Variants in GCNA observed in about 807,000 individuals in gnomAD.
GCNA encodes germ cell nuclear acidic protein.
In GCNA, 3 loss-of-function variants were observed where a neutral mutation model predicts 38.8. The ratio of observed to expected loss-of-function variants is 0.08; its 90% CI spans 0.04 to 0.20. The LOEUF is 0.20. GCNA is among the 10% of genes least tolerant of loss of function. The pLI is 1.00. For synonymous variants in GCNA, 195 were observed against 240.2 expected (o/e 0.81, Z 1.74); for missense variants, 446 against 578.6 (o/e 0.77, Z 2.35).
chrX:71,582,521 T>G (rs1339878936), intron 2 of GCNA, among the ~76,000 whole-genome samples: 1 of 111,226 alleles, frequency 9.0e-6, no homozygotes, highest in Non-Finnish European at 1.9e-5. Flanking sequence ...ACATTCTTTG[T>G]GGGAGTATAT....
chrX:71,578,716 G>A (rs1205304265), intron 1 of GCNA, among the ~76,000 whole-genome samples, 194 bp downstream of exon 1: 2 of 111,722 alleles, frequency 1.8e-5, no homozygotes. Context: ...GGGGGAGGTG[G>A]GGGCGCCCAT....
intron 7 of GCNA, among the ~76,000 whole-genome samples, chrX:71,601,979 G>A (rs945844292): frequency 8.9e-6 from 1 of 111,964 alleles, no homozygotes; most frequent in African/African-American, 3.3e-5. Flanking sequence ...ACGCAGCGGT[G>A]GGTTTGCTGA....
At chrX:71,611,181 C>G (rs373902795) in intron 11 of GCNA, among the ~76,000 whole-genome samples, 1 of 112,219 alleles carries the variant, frequency 8.9e-6, no homozygotes, top group Admixed American at 9.5e-5. Flanking sequence ...AGGACAGGCC[C>G]TCATCCCTGC....
chrX:71,604,022 A>T lies in GCNA; in HGVS notation c.745A>T (p.Ser249Cys), dbSNP rs2040743542. The stretch of plus-strand genomic sequence containing the variant: ...TGATTCGGAAGCTCCCGACGACAGC[A>T]GTGATGATTCGGAAGCTCCCGACGA... ...SDDSEAPDDS[S>C]DDSEAPDDSS... Residue 249 changes from serine (S) to cysteine (C), a missense_variant, in exon 8 of 13, where the codon AGT becomes TGT. Physicochemically the swap from Ser to Cys is moderately radical, Grantham distance 112. Coordinates refer to ENST00000373696, the MANE Select transcript of GCNA (RefSeq NM_052957.5). 8.3e-7 allele frequency: 1 copy of T among 1,204,539 alleles called. No homozygotes were observed. Among genetic ancestry groups the T allele is most frequent in the Admixed American group, 2.2e-5 (1 of 45,294 alleles).
intron 6 of GCNA, among the ~76,000 whole-genome samples, chrX:71,595,450 C>T (rs1222221128): frequency 8.9e-6 from 1 of 111,855 alleles, no homozygotes; most frequent in Admixed American, 9.5e-5. Flanking sequence ...CTGATCCAGT[C>T]GGTGTACCAC....
At chrX:71,599,475 A>G (rs892592999) in intron 7 of GCNA, among the ~76,000 whole-genome samples, 1 of 111,614 alleles carries the variant, frequency 9.0e-6, no homozygotes, top group Non-Finnish European at 1.9e-5. Context: ...ACCGGAGGCC[A>G]CCAGGTGCTT....
At chrX:71,581,112 A>G (rs2040543475) in intron 2 of GCNA, among the ~76,000 whole-genome samples, 1 of 111,979 alleles carries the variant, frequency 8.9e-6, no homozygotes, top group Non-Finnish European at 1.9e-5. Flanking sequence ...ACGACATTTG[A>G]GGCAACAGTG....
intron 8 of GCNA, 149 bp downstream of exon 8, chrX:71,604,825 C>A: frequency 1.2e-6 from 1 of 818,578 alleles, no homozygotes; most frequent in Non-Finnish European, 1.7e-6. Flanking sequence ...CATCCCAGTG[C>A]AAGGATGGTT....
At chrX:71,584,447 G>A (rs755789505) in intron 2 of GCNA, among the ~76,000 whole-genome samples, 22 of 110,334 alleles carry the variant, frequency 2.0e-4, no homozygotes, top group Non-Finnish European at 3.2e-4. Flanking sequence ...ATGTGGTTTC[G>A]CCGCCAAGTT....
rs1290904779 is a variant in GCNA, at chrX:71,597,970, C to T, written c.242C>T (p.Ser81Phe). 1 of 1,208,669 alleles carries T rather than the reference C, an allele frequency of 8.3e-7. No individual in the cohort carries two copies. The highest frequency in any genetic ancestry group is 1.7e-5 in the African/African-American group (1 of 57,282). Residue 81 changes from serine to phenylalanine, a missense_variant, in exon 7 of 13, where the codon TCT becomes TTT. By Grantham distance (155) the Ser-to-Phe change is radical. Around this residue, in one of 7 missense-constraint regions of GCNA, gnomAD observed 25 missense variants for 52.8 expected, o/e 0.47. Coordinates refer to ENST00000373696, the MANE Select transcript of GCNA (RefSeq NM_052957.5). ...RQASSVVVIDSDSDEECHTHE... is the reference protein window; with the variant it reads ...RQASSVVVIDFDSDEECHTHE... ...CTCAGCTCCGTGGTAGTGATTGACT[C>T]TGATTCTGATGAGGAATGTCACACC...
chrX:71,607,627 G>A (rs2040777936), intron 9 of GCNA, among the ~76,000 whole-genome samples: 1 of 112,308 alleles, frequency 8.9e-6, no homozygotes, highest in Non-Finnish European at 1.9e-5. Flanking sequence ...AGCGATTGTG[G>A]TTTAATCAAA....
Position 71,580,869 on chromosome X carries a change from GGAC to G in GCNA, c.51_53del (p.Asp17del), listed in dbSNP as rs2040542000. ...TGCCCCGCTTGCAAGAGCCGGAGGA[GGAC>G]GAGGATTGGTGAGATTTAGAAAGTT... On this transcript the variant is annotated inframe_deletion, in exon 2 of 13. Transcript: ENST00000373696. 4 of 1,198,550 alleles carry G rather than the reference GGAC, an allele frequency of 3.3e-6. No homozygotes were observed. The South Asian group carries it at 7.3e-5, about 22-fold the overall frequency.
chrX:71,603,664 C>T lies in GCNA; in HGVS notation c.387C>T (p.Asp129=), dbSNP rs369494929. ...TAGTTATTAGTGATGATGACAATGA[C>T]GATGACAACGGTAATGATTTGGAAG... ...PPIVISDDDN[D]DDNGNDLEVP... The change falls in exon 8 of 13, where the codon GAC becomes GAT. Residue 129 remains aspartate (D), a synonymous_variant. Coordinates refer to ENST00000373696, the MANE Select transcript of GCNA (RefSeq NM_052957.5). 164 of 1,210,137 alleles carry T rather than the reference C, an allele frequency of 1.4e-4. 1 individual carries two copies. The highest frequency in any genetic ancestry group is 1.8e-4 in the Non-Finnish European group (158 of 895,391).
chrX:71,601,946 G>A (rs1184726069), intron 7 of GCNA, among the ~76,000 whole-genome samples: 4 of 112,265 alleles, frequency 3.6e-5, no homozygotes, highest in Non-Finnish European at 7.5e-5. Flanking sequence ...TTGATATACT[G>A]ATTTTCTTTC....
At position 71,588,362 on chromosome X, in the gene GCNA, G is replaced by C. The variant is rs186069789; in HGVS notation, c.60-3760G>C. Among the ~76,000 whole-genome samples the C allele has an allele frequency of 3.6e-5, 4 of 111,839 alleles. No homozygotes were observed. The East Asian group carries it at 1.1e-3, about 31-fold the overall frequency. ...TATAGGTCTGTGGTGAAAATGAACA[G>C]TACAGAAGCATATAAATTAAAAAGT... is the stretch of plus-strand genomic sequence containing the variant. On this transcript the variant is annotated intron_variant, in intron 2 of 12. Coordinates refer to ENST00000373696, the MANE Select transcript of GCNA (RefSeq NM_052957.5).
At position 71,613,137 on chromosome X, in the gene GCNA, C is replaced by A; in HGVS notation, c.*155C>A. The A allele has an allele frequency of 1.4e-6, 1 of 723,485 alleles. No individual in the cohort carries two copies. The allele number at this position is 723,485 out of a possible 1,213,427, so 59.6% of individuals were successfully genotyped here. ...AGAGTATATTAATGTGAGCTATATC[C>A]TTTACTGGTAAGAAGTTTTAGAAAA... On this transcript the variant is annotated 3_prime_UTR_variant, in exon 13 of 13. Transcript: ENST00000373696.
intron 11 of GCNA, among the ~76,000 whole-genome samples, chrX:71,611,114 C>T (rs2040807371): frequency 8.9e-6 from 1 of 112,183 alleles, no homozygotes; most frequent in African/African-American, 3.2e-5. Flanking sequence ...TCTAGCCAAT[C>T]ACCAAATCTT....
Position 71,605,699 on chromosome X carries a change from G to C in GCNA, c.1436G>C (p.Gly479Ala). The change falls in exon 9 of 13, where the codon GGT becomes GCT. Residue 479 changes from glycine (G) to alanine (A), a missense_variant. Around this residue, in one of 7 missense-constraint regions of GCNA, gnomAD observed 160 missense variants for 165.2 expected, o/e 0.97. Transcript: ENST00000373696. ...CGTGGGCCTTCAAAGAAGAAACCCG[G>C]TGCAGCAAAAGTTGAAAAACGCAAG... ...KKRGPSKKKP[G>A]AAKVEKRKTR... is the part of the protein sequence containing the mutation. The C allele has an allele frequency of 8.3e-7, 1 of 1,210,304 alleles. No homozygotes were observed. The highest frequency in any genetic ancestry group is 1.1e-6 in the Non-Finnish European group (1 of 894,557).
intron 2 of GCNA, 139 bp from the exon 3 acceptor site, chrX:71,591,983 G>A: frequency 2.0e-6 from 1 of 503,247 alleles, no homozygotes; most frequent in Non-Finnish European, 3.4e-6. Context: ...TTTCCTAAGG[G>A]CTTAAAGCCC....
Sources: gnomAD v4.1 joint callset for allele counts (sites outside exome capture counted in the v4.1 genomes callset) on GRCh38, gnomAD v4.1.1 for gene constraint, gnomAD v4.1.1 regional missense constraint, MANE v1.5 for transcripts, NCBI Gene and HGNC (gene_info 2026-07-23, HGNC 2026-07-21) for gene names.